Variants in MYO18B observed in about 807,000 individuals in gnomAD.
MYO18B encodes unconventional myosin-XVIIIb.
MYO18B carries 204 observed loss-of-function variants against 273.0 expected under a neutral mutation model. That is an observed-to-expected ratio of 0.75 (90% confidence interval 0.67 to 0.84). The LOEUF is 0.84. MYO18B is among the 40% of genes least tolerant of loss of function. MYO18B has a pLI of 0.00. For missense variants in MYO18B, 3,212 were observed against 3,287.6 expected (o/e 0.98, Z 0.56); for synonymous variants, 1,330 against 1,305.7 (o/e 1.02, Z -0.40).
chr22:25,745,633 C>T (rs1169272474), intron 1 of MYO18B, among the ~76,000 whole-genome samples: 1 of 152,084 alleles, frequency 6.6e-6, no homozygotes, highest in Non-Finnish European at 1.5e-5. Flanking sequence ...TGTGTTTCTC[C>T]CTGATGCTGA....
chr22:25,828,477 G>T (rs901794773), intron 14 of MYO18B, among the ~76,000 whole-genome samples: 4 of 151,942 alleles, frequency 2.6e-5, no homozygotes, highest in African/African-American at 9.7e-5. Context: ...GCTTCATATG[G>T]TAGCCAACTT....
chr22:25,948,631 C>A (rs2092756621), intron 36 of MYO18B, among the ~76,000 whole-genome samples: 1 of 150,046 alleles, frequency 6.7e-6, no homozygotes, highest in African/African-American at 2.5e-5. Flanking sequence ...TCAATATTTA[C>A]TGAATCCTTG....
intron 33 of MYO18B, among the ~76,000 whole-genome samples, chr22:25,919,142 T>C (rs1383820480): frequency 6.6e-6 from 1 of 152,164 alleles, no homozygotes; most frequent in Non-Finnish European, 1.5e-5. Context: ...AAGTGCTTTC[T>C]ACCTAAAATG....
At chr22:25,889,704 T>C (rs555367002) in intron 25 of MYO18B, among the ~76,000 whole-genome samples, 2 of 152,130 alleles carry the variant, frequency 1.3e-5, no homozygotes, top group East Asian at 3.9e-4. Flanking sequence ...TGCCATATCC[T>C]CAAACCCTGA....
In MYO18B at chr22:25,829,497, G is replaced by A. The variant is rs2089625473; in HGVS notation, c.2979+529G>A. Among the ~76,000 whole-genome samples, 13 of 148,726 alleles carry A rather than the reference G, an allele frequency of 8.7e-5. No individual in the cohort carries two copies. In the South Asian group the frequency reaches 2.7e-3, roughly 31 times the overall value. On this transcript the variant is annotated intron_variant, in intron 15 of 43. Coordinates refer to ENST00000335473, the MANE Select transcript of MYO18B (RefSeq NM_032608.7). ...TGAACCAGGAAGCATGTACAGGCAT[G>A]ATCCTGCCAGCCCTTCTTTTTTCAT...
At chr22:26,001,709 G>A (rs1043925074) in intron 40 of MYO18B, among the ~76,000 whole-genome samples, 1 of 152,186 alleles carries the variant, frequency 6.6e-6, no homozygotes, top group Non-Finnish European at 1.5e-5. Context: ...GGAGCATGTG[G>A]AAGAGTAAGG....
intron 15 of MYO18B, 120 bp from the exon 16 acceptor site, chr22:25,832,797 A>T: frequency 2.4e-6 from 2 of 818,798 alleles, no homozygotes; most frequent in Non-Finnish European, 1.9e-6. Context: ...ATTTAAAAAA[A>T]CGATTTTTTT....
intron 25 of MYO18B, among the ~76,000 whole-genome samples, chr22:25,880,642 C>T (rs559759415): frequency 3.3e-4 from 50 of 152,312 alleles, no homozygotes; most frequent in African/African-American, 1.2e-3. Context: ...ATGTGTTAGA[C>T]ATTTGACTGG....
At position 25,934,310 on chromosome 22, in the gene MYO18B, A is replaced by G. The variant is rs531992883; in HGVS notation, c.5518-11827A>G. Among the ~76,000 whole-genome samples, 6 of 151,978 alleles carry G rather than the reference A, an allele frequency of 3.9e-5. No individual in the cohort carries two copies. In the South Asian group the frequency reaches 1.3e-3, roughly 32 times the overall value. On this transcript the variant is annotated intron_variant, in intron 34 of 43. Coordinates refer to ENST00000335473, the MANE Select transcript of MYO18B (RefSeq NM_032608.7). ...AAGAGAAATTCTTGATTTTGATGTA[A>G]TCTAATGGGTCAGTGTTAAACATCT...
chr22:25,785,685 G>A (rs1461913884), intron 11 of MYO18B, among the ~76,000 whole-genome samples, 194 bp downstream of exon 11: 1 of 152,188 alleles, frequency 6.6e-6, no homozygotes, highest in East Asian at 1.9e-4. Flanking sequence ...ACAAATAAAG[G>A]AAACCAGACA....
intron 2 of MYO18B, among the ~76,000 whole-genome samples, chr22:25,761,621 A>G (rs1026111945): frequency 3.9e-5 from 6 of 152,056 alleles, no homozygotes; most frequent in African/African-American, 1.4e-4. Context: ...AGTATTTTTC[A>G]TGATACGCTA....
At chr22:25,939,189 G>A (rs1180993663) in intron 34 of MYO18B, among the ~76,000 whole-genome samples, 1 of 152,230 alleles carries the variant, frequency 6.6e-6, no homozygotes, top group East Asian at 1.9e-4. Flanking sequence ...TCACTCATTT[G>A]TATCTGGGTT....
At chr22:25,983,090 G>T (rs2146799171) in intron 39 of MYO18B, among the ~76,000 whole-genome samples, 1 of 152,268 alleles carries the variant, frequency 6.6e-6, no homozygotes, top group Non-Finnish European at 1.5e-5. Context: ...AATTCTGGTG[G>T]CCGAGCACAG....
At chr22:25,807,795 A>G (rs5761233) in intron 12 of MYO18B, among the ~76,000 whole-genome samples, 9,986 of 152,090 alleles carry the variant, frequency 0.066, 573 homozygotes, top group East Asian at 0.21. Flanking sequence ...TCTAGGACGT[A>G]TAGGATGGGA....
chr22:26,007,224 G>A (rs1934503512), intron 42 of MYO18B, among the ~76,000 whole-genome samples: 1 of 152,188 alleles, frequency 6.6e-6, no homozygotes, highest in Non-Finnish European at 1.5e-5. Flanking sequence ...CACAGTTGGT[G>A]CTCAATAAAT....
intron 39 of MYO18B, among the ~76,000 whole-genome samples, chr22:25,975,119 A>G (rs1337640905): frequency 6.6e-6 from 1 of 152,188 alleles, no homozygotes; most frequent in Non-Finnish European, 1.5e-5. Flanking sequence ...GCAAGAGTCA[A>G]TGGGCCCCAG....
intron 23 of MYO18B, among the ~76,000 whole-genome samples, chr22:25,875,638 G>A (rs2091170973): frequency 1.3e-5 from 2 of 152,242 alleles, no homozygotes; most frequent in African/African-American, 4.8e-5. Flanking sequence ...GGCTGAATCA[G>A]CACCTTTGGG....
intron 12 of MYO18B, among the ~76,000 whole-genome samples, chr22:25,817,817 T>C (rs2089103630): frequency 6.6e-6 from 1 of 152,176 alleles, no homozygotes; most frequent in Admixed American, 6.5e-5. Flanking sequence ...TATGATACAA[T>C]ATTCATTTAT....
chr22:25,896,698 CG>C (rs1371657593), intron 28 of MYO18B: 1 of 148,904 alleles, frequency 6.7e-6, no homozygotes, highest in Non-Finnish European at 1.5e-5. Flanking sequence ...AACTATCCCT[CG>C]TCTACATTCT....
Sources: allele counts gnomAD v4.1 joint callset (sites outside exome capture counted in the v4.1 genomes callset), GRCh38; gene constraint gnomAD v4.1.1; transcripts MANE v1.5; gene names NCBI Gene and HGNC (gene_info 2026-07-23, HGNC 2026-07-21).